The following C12orf42 variants were observed in gnomAD, a reference collection of about 807,000 sequenced individuals.
C12orf42 encodes chromosome 12 open reading frame 42, also known as uncharacterized protein C12orf42.
A neutral mutation model predicts 21.6 loss-of-function variants in C12orf42; 25 were observed. The observed-to-expected ratio is 1.16, with a 90% CI of 0.84 to 1.62. The LOEUF (loss-of-function observed/expected upper bound fraction) is 1.62. C12orf42 is among the 40% of genes most tolerant of loss of function. The pLI, the probability that C12orf42 is intolerant of heterozygous loss-of-function variation, is 0.00. For missense variants in C12orf42, 483 were observed against 459.3 expected, an observed-to-expected ratio of 1.05 and a Z score of -0.47; for synonymous variants, 174 against 175.0, an observed-to-expected ratio of 0.99 and a Z score of 0.05.
At chr12:103,185,047 A>C in the C12orf42 span, among the ~76,000 whole-genome samples, 1 of 152,298 alleles carries the variant, frequency 6.6e-6, no homozygotes, top group Admixed American at 6.5e-5. Context: ...TGTCAAAGCC[A>C]CCCAATCTGT....
chr12:103,545,910 G>A, the C12orf42 span, among the ~76,000 whole-genome samples: 1 of 152,246 alleles, frequency 6.6e-6, no homozygotes, highest in African/African-American at 2.4e-5. Flanking sequence ...TCAATTTAAT[G>A]AACTTCACTA....
intron 3 of C12orf42, among the ~76,000 whole-genome samples, chr12:103,381,301 A>G (rs1041116198): frequency 2.0e-5 from 3 of 152,216 alleles, no homozygotes; most frequent in Non-Finnish European, 4.4e-5. Context: ...GGAATGTTCT[A>G]TAGAGCTGAG....
chr12:103,220,131 A>G, the C12orf42 span, among the ~76,000 whole-genome samples: 1 of 152,190 alleles, frequency 6.6e-6, no homozygotes, highest in Non-Finnish European at 1.5e-5. Context: ...GAAACTGGAA[A>G]CCATCATTCT....
chr12:103,283,704 C>G (rs971343434), intron 4 of C12orf42, among the ~76,000 whole-genome samples: 1 of 152,210 alleles, frequency 6.6e-6, no homozygotes, highest in Non-Finnish European at 1.5e-5. Flanking sequence ...CTGACAGCAT[C>G]ATCTATCTCC....
At chr12:103,483,013 C>T (rs537236633) in intron 1 of C12orf42, among the ~76,000 whole-genome samples, 1 of 152,242 alleles carries the variant, frequency 6.6e-6, no homozygotes, top group East Asian at 1.9e-4. Context: ...TTTTTCCTCT[C>T]AATATAGTAA....
At chr12:103,374,245 G>A (rs2045506448) in intron 3 of C12orf42, among the ~76,000 whole-genome samples, 1 of 151,976 alleles carries the variant, frequency 6.6e-6, no homozygotes, top group South Asian at 2.1e-4. Flanking sequence ...GAGTATTTGG[G>A]GATTTACTCT....
At chr12:103,276,024 G>A (rs938189417) in intron 5 of C12orf42, among the ~76,000 whole-genome samples, 2 of 152,178 alleles carry the variant, frequency 1.3e-5, no homozygotes, top group Non-Finnish European at 2.9e-5. Context: ...AGTGAGCTAT[G>A]ATCATGCCTC....
intron 5 of C12orf42, among the ~76,000 whole-genome samples, chr12:103,276,457 T>C (rs1385564013): frequency 6.6e-6 from 1 of 152,124 alleles, no homozygotes; most frequent in Non-Finnish European, 1.5e-5. Context: ...ATTGCAAGAG[T>C]GAACTTCCCA....
chr12:103,406,894 G>A (rs1266224042), intron 2 of C12orf42, among the ~76,000 whole-genome samples: 1 of 152,126 alleles, frequency 6.6e-6, no homozygotes, highest in African/African-American at 2.4e-5. Flanking sequence ...GTTAACAGAG[G>A]GTCAGCACGG....
chr12:103,148,351 G>A, the C12orf42 span, among the ~76,000 whole-genome samples: 1 of 152,116 alleles, frequency 6.6e-6, no homozygotes, highest in Non-Finnish European at 1.5e-5. Flanking sequence ...TCAGACCAAA[G>A]TATGTTTTGC....
chr12:103,386,804 A>G (rs1179810763), intron 3 of C12orf42, among the ~76,000 whole-genome samples: 1 of 152,190 alleles, frequency 6.6e-6, no homozygotes, highest in Non-Finnish European at 1.5e-5. Context: ...TCCAAGTGCT[A>G]GACCTGGGAG....
the C12orf42 span, among the ~76,000 whole-genome samples, chr12:103,524,368 G>C: frequency 6.6e-6 from 1 of 152,160 alleles, no homozygotes; most frequent in Non-Finnish European, 1.5e-5. Flanking sequence ...CAGCCACGCT[G>C]CCTTGAGGCA....
chr12:103,335,626 AC>A (rs2041623843), intron 4 of C12orf42, among the ~76,000 whole-genome samples: 1 of 152,138 alleles, frequency 6.6e-6, no homozygotes, highest in East Asian at 1.9e-4. Flanking sequence ...AGACATACAA[AC>A]CCTGAGAAAA....
the C12orf42 span, chr12:103,151,925 C>T: frequency 6.6e-6 from 1 of 152,168 alleles, no homozygotes; most frequent in Admixed American, 6.5e-5. Context: ...CCAGGTAGGC[C>T]TGACTTAACC....
At chr12:103,440,549 C>T (rs898911795) in intron 2 of C12orf42, among the ~76,000 whole-genome samples, 11 of 145,754 alleles carry the variant, frequency 7.5e-5, no homozygotes, top group Non-Finnish European at 1.2e-4. Context: ...AAAATAGACG[C>T]ATAAATTTTA....
intron 4 of C12orf42, among the ~76,000 whole-genome samples, chr12:103,339,768 G>A (rs777561560): frequency 4.6e-5 from 7 of 152,088 alleles, no homozygotes; most frequent in African/African-American, 7.2e-5. Context: ...ATACACTTTT[G>A]TTATATTTCA....
intron 2 of C12orf42, among the ~76,000 whole-genome samples, chr12:103,463,523 G>A (rs1952883562): frequency 6.6e-6 from 1 of 152,168 alleles, no homozygotes; most frequent in African/African-American, 2.4e-5. Context: ...GCTATCAAAA[G>A]TGTTTCAAAG....
At chr12:103,551,500 G>A in the C12orf42 span, among the ~76,000 whole-genome samples, 1 of 152,126 alleles carries the variant, frequency 6.6e-6, no homozygotes, top group South Asian at 2.1e-4. Context: ...CTGAGTGATA[G>A]AGCAAGACCC....
At chr12:103,293,681 T>C (rs965350615) in intron 4 of C12orf42, among the ~76,000 whole-genome samples, 1 of 152,140 alleles carries the variant, frequency 6.6e-6, no homozygotes, top group Non-Finnish European at 1.5e-5. Context: ...GTAAGCTACA[T>C]ATTATGGAAT....
Sources: gnomAD v4.1 joint callset for allele counts (sites outside exome capture counted in the v4.1 genomes callset) on GRCh38, gnomAD v4.1.1 for gene constraint, MANE v1.5 for transcripts, NCBI Gene and HGNC (gene_info 2026-07-23, HGNC 2026-07-21) for gene names.